The following KDM2B variants were observed in gnomAD, a reference collection of about 807,000 sequenced individuals.
The protein encoded by KDM2B is lysine-specific demethylase 2B.
In KDM2B, 26 loss-of-function variants were observed where a neutral mutation model predicts 150.0. The observed-to-expected ratio is 0.17, with a 90% CI of 0.13 to 0.24. The LOEUF (loss-of-function observed/expected upper bound fraction) is 0.24, where lower values mean the gene tolerates loss of function less well. Ranked by LOEUF, KDM2B falls within the 10% of genes least tolerant of loss-of-function variation. The pLI is 1.00. For synonymous variants in KDM2B, 734 were observed against 729.5 expected (o/e 1.01, Z -0.10); for missense variants, 1,265 against 1,816.9 (o/e 0.70, Z 5.52).
intron 6 of KDM2B, among the ~76,000 whole-genome samples, chr12:121,541,016 T>A (rs576168447): frequency 1.6e-4 from 24 of 152,142 alleles, no homozygotes; most frequent in Non-Finnish European, 2.8e-4. Context: ...GTGGATCACC[T>A]GAGGTTGGGA....
chr12:121,438,143 A>G (rs1555287244), intron 22 of KDM2B, among the ~76,000 whole-genome samples: 2 of 151,528 alleles, frequency 1.3e-5, no homozygotes, highest in Non-Finnish European at 2.9e-5. Context: ...AATCACAGCT[A>G]CTCGGGAGAC....
intron 4 of KDM2B, among the ~76,000 whole-genome samples, chr12:121,558,601 A>AT (rs1449679297): frequency 1.3e-5 from 2 of 151,804 alleles, no homozygotes; most frequent in East Asian, 3.9e-4. Flanking sequence ...CTACAGGCGC[A>AT]TGCCACCATG....
chr12:121,559,287 CG>C (rs1284656579), intron 4 of KDM2B, among the ~76,000 whole-genome samples: 1 of 140,226 alleles, frequency 7.1e-6, no homozygotes, highest in Non-Finnish European at 1.6e-5. Flanking sequence ...CTTAGTGTGC[CG>C]GGAGCTCTGA....
Position 121,580,767 on chromosome 12 carries a change from A to AC in KDM2B, c.126+18dup. On this transcript the variant is annotated intron_variant, in intron 1 of 22. Transcript: ENST00000377071. ...TACCCCTCTTCCTCTTCTTTCATCC[A>AC]CCCCTCCCCCAACATTACCTGTGTG... 6.3e-7 allele frequency: 1 copy of AC among 1,597,968 alleles called. No individual in the cohort carries two copies. Among genetic ancestry groups the AC allele is most frequent in the East Asian group, 2.3e-5 (1 of 43,960 alleles).
At chr12:121,512,720 G>C (rs1031677374) in intron 10 of KDM2B, among the ~76,000 whole-genome samples, 5 of 152,040 alleles carry the variant, frequency 3.3e-5, no homozygotes, top group African/African-American at 4.8e-5. Flanking sequence ...GCCGTGTTCG[G>C]GGGGGATGAT....
chr12:121,524,380 A>G (rs1185454983), intron 8 of KDM2B, among the ~76,000 whole-genome samples: 1 of 152,214 alleles, frequency 6.6e-6, no homozygotes, highest in Non-Finnish European at 1.5e-5. Flanking sequence ...GCAGAGGCCA[A>G]CGCACCTGAC....
rs1880400268 is a variant in KDM2B, at chr12:121,468,728, G to T, written c.1735-15384C>A. On this transcript the variant is annotated intron_variant, in intron 12 of 22. Transcript: ENST00000377071. This position sits in a 1 kb window ranked among gnomAD's most constrained non-coding sequence, Gnocchi z 4.0. ...TTCAAAGAAGGCAGGCTGTGTGCCG[G>T]AGACCTTGTAAACAAAACTCAGGAG... The T allele has an allele frequency of 6.6e-6, 1 of 152,196 alleles. No individual in the cohort carries two copies. The highest frequency in any genetic ancestry group is 1.9e-4 in the East Asian group (1 of 5,194). The allele number at this position is 152,196 out of a possible 1,614,324, so 9.4% of individuals were successfully genotyped here.
upstream of KDM2B, among the ~76,000 whole-genome samples, chr12:121,582,047 C>T (rs1475599129): frequency 6.6e-6 from 1 of 152,206 alleles, no homozygotes; most frequent in African/African-American, 2.4e-5. Flanking sequence ...AAATCGCCCA[C>T]GTTGGCTGCT....
chr12:121,479,593 T>A (rs530554802), intron 12 of KDM2B, among the ~76,000 whole-genome samples: 4 of 152,160 alleles, frequency 2.6e-5, no homozygotes, highest in African/African-American at 9.6e-5. Context: ...CACTGAAGCC[T>A]GGGCGACAAA....
chr12:121,463,199 T>C (rs543060262), intron 12 of KDM2B, among the ~76,000 whole-genome samples: 1 of 151,712 alleles, frequency 6.6e-6, no homozygotes. Context: ...CCTGTAGTCC[T>C]AGCCACTCAG....
intron 12 of KDM2B, among the ~76,000 whole-genome samples, chr12:121,489,414 C>A (rs1410551391): frequency 1.3e-5 from 2 of 151,588 alleles, no homozygotes; most frequent in Admixed American, 1.3e-4. Context: ...AGACTACAGG[C>A]GTGAGCCACC....
chr12:121,485,166 C>T (rs1376462392), intron 12 of KDM2B, among the ~76,000 whole-genome samples: 1 of 152,092 alleles, frequency 6.6e-6, no homozygotes, highest in African/African-American at 2.4e-5. Context: ...ACGTTTCTGT[C>T]ATGAGCCTTT....
At chr12:121,475,180 C>CTGTGTGTGTGTG in intron 12 of KDM2B, among the ~76,000 whole-genome samples, 1 of 111,006 alleles carries the variant, frequency 9.0e-6, no homozygotes, top group South Asian at 3.4e-4. Flanking sequence ...CTACACATGA[C>CTGTGTGTGTGTG]TCTGTGTGTG....
downstream of KDM2B, among the ~76,000 whole-genome samples, chr12:121,428,229 G>A (rs1004706098): frequency 2.0e-5 from 3 of 151,800 alleles, no homozygotes; most frequent in African/African-American, 4.8e-5. Context: ...GCGGTCTCGC[G>A]GTCGCCAGGC....
At chr12:121,523,117 G>A (rs1313654767) in intron 8 of KDM2B, among the ~76,000 whole-genome samples, 5 of 152,236 alleles carry the variant, frequency 3.3e-5, no homozygotes, top group Non-Finnish European at 7.3e-5. Flanking sequence ...TGCTGAAACT[G>A]AGGGCACAAA....
chr12:121,477,647 G>A lies in KDM2B; in HGVS notation c.1734+16932C>T, dbSNP rs138397869. ...GGCTGGAGTGCGATAGCATGATCTC[G>A]GTTCACTGCAACTTCTGCCTCCCGG... On this transcript the variant is annotated intron_variant, in intron 12 of 22. Transcript: ENST00000377071. Among the ~76,000 whole-genome samples, 854 of 147,696 alleles carry A rather than the reference G, an allele frequency of 5.8e-3. 9 individuals carry two copies. The highest frequency in any genetic ancestry group is 0.021 in the African/African-American group (818 of 39,410).
In KDM2B at chr12:121,444,573, G is replaced by A. The variant is rs563000937; in HGVS notation, c.2104-37C>T. ...ACCAGGACTCAGAAGAGGGACGGGC[G>A]GAGAAGATGGCCCACGGGCACAAGG... On this transcript the variant is annotated intron_variant, in intron 14 of 22. Transcript: ENST00000377071. The A allele has an allele frequency of 4.0e-5, 63 of 1,571,572 alleles. No homozygotes were observed. In the South Asian group the frequency reaches 5.2e-4, roughly 13 times the overall value.
rs781796348 is a variant in KDM2B, at chr12:121,473,733, A to AAAAGAG, written c.1735-20390_1735-20389insCTCTTT. Among the ~76,000 whole-genome samples the AAAAGAG allele has an allele frequency of 2.7e-5, 4 of 150,052 alleles. No individual in the cohort carries two copies. In the East Asian group the frequency reaches 7.9e-4, roughly 30 times the overall value. On this transcript the variant is annotated intron_variant, in intron 12 of 22. Transcript: ENST00000377071. ...AAACTCCCAACTCAAAAAAAAAAAA[A>AAAAGAG]AGAGAGAGAGAGAGAGTAAAGAGGC...
chr12:121,523,290 A>C (rs564413590), intron 8 of KDM2B, among the ~76,000 whole-genome samples: 1 of 152,358 alleles, frequency 6.6e-6, no homozygotes, highest in East Asian at 1.9e-4. Context: ...GGAGAAACGC[A>C]GAGAGAAATA....
Sources: allele counts gnomAD v4.1 joint callset (sites outside exome capture counted in the v4.1 genomes callset), GRCh38; gene constraint gnomAD v4.1.1; non-coding constraint Gnocchi (gnomAD v3.1); transcripts MANE v1.5; gene names NCBI Gene and HGNC (gene_info 2026-07-23, HGNC 2026-07-21).